The following FAM193A variants were observed in gnomAD, a reference collection of about 807,000 sequenced individuals.
FAM193A encodes protein FAM193A.
Under a neutral mutation model 126.5 loss-of-function variants are expected in FAM193A, and 22 were observed. The observed-to-expected ratio is 0.17, with a 90% confidence interval of 0.12 to 0.25. FAM193A has a LOEUF of 0.25. FAM193A is among the 10% of genes least tolerant of loss of function. The pLI is 1.00. For missense variants in FAM193A, 1,675 were observed against 1,672.8 expected (o/e 1.00, Z -0.02); for synonymous variants, 761 against 646.8 (o/e 1.18, Z -2.68).
intron 20 of FAM193A, among the ~76,000 whole-genome samples, chr4:2,725,156 G>A (rs1720581576): frequency 6.6e-6 from 1 of 152,052 alleles, no homozygotes; most frequent in African/African-American, 2.4e-5. Flanking sequence ...TGGGATTACA[G>A]GCGTGAGCCA....
chr4:2,680,617 A>G lies in FAM193A; in HGVS notation c.2331+8245A>G, dbSNP rs1046116867. Among the ~76,000 whole-genome samples, 3 of 150,878 alleles carry G rather than the reference A, an allele frequency of 2.0e-5. No individual in the cohort carries two copies. The South Asian group carries it at 6.3e-4, about 32-fold the overall frequency. On this transcript the variant is annotated intron_variant, in intron 13 of 20. Coordinates refer to ENST00000637812, the MANE Select transcript of FAM193A (RefSeq NM_001366318.2). ...CTCCCAAAGTGCTGGGATTATAGGCATGAGTTACCAAGCCCAGCCAATACT... is the reference window on the plus strand; with the variant it reads ...CTCCCAAAGTGCTGGGATTATAGGCGTGAGTTACCAAGCCCAGCCAATACT...
intron 1 of FAM193A, among the ~76,000 whole-genome samples, chr4:2,546,253 A>G (rs1239907103): frequency 6.6e-6 from 1 of 152,052 alleles, no homozygotes; most frequent in African/African-American, 2.4e-5. Context: ...TGGCCTCCCA[A>G]AGTTTTGGGA....
intron 19 of FAM193A, among the ~76,000 whole-genome samples, chr4:2,714,941 G>C (rs1339182506): frequency 6.6e-6 from 1 of 152,010 alleles, no homozygotes; most frequent in African/African-American, 2.4e-5. Flanking sequence ...GTGTGCTGCT[G>C]GACCCTCTTT....
intron 1 of FAM193A, among the ~76,000 whole-genome samples, chr4:2,568,514 T>C (rs1205252168): frequency 6.6e-6 from 1 of 152,178 alleles, no homozygotes; most frequent in Non-Finnish European, 1.5e-5. Context: ...CAAGACCCTG[T>C]CTGTAAAAAT....
intron 13 of FAM193A, among the ~76,000 whole-genome samples, chr4:2,682,727 G>A (rs1026603757): frequency 5.9e-5 from 9 of 152,058 alleles, no homozygotes; most frequent in Admixed American, 5.2e-4. Flanking sequence ...GAACTAATCT[G>A]AGTCCTTTTT....
chr4:2,702,063 C>A (rs1365072993), intron 19 of FAM193A, among the ~76,000 whole-genome samples: 1 of 152,142 alleles, frequency 6.6e-6, no homozygotes, highest in Non-Finnish European at 1.5e-5. Context: ...TGAGCTGCCA[C>A]CCCTGGCCCA....
At chr4:2,610,061 A>G (rs1037103851) in intron 2 of FAM193A, among the ~76,000 whole-genome samples, 2 of 151,322 alleles carry the variant, frequency 1.3e-5, no homozygotes, top group Non-Finnish European at 2.9e-5. Context: ...ATGAAACCCC[A>G]TCTCTACTAA....
chr4:2,662,107 TG>T (rs1442008869), intron 10 of FAM193A, among the ~76,000 whole-genome samples: 1 of 151,902 alleles, frequency 6.6e-6, no homozygotes, highest in South Asian at 2.1e-4. Flanking sequence ...GGCGTGAACC[TG>T]GGGGGTGGAG....
In FAM193A at chr4:2,657,829, G is replaced by T; in HGVS notation, c.1338G>T (p.Met446Ile). 6.2e-7 allele frequency: 1 copy of T among 1,612,672 alleles called. No individual in the cohort carries two copies. Among genetic ancestry groups the T allele is most frequent in the South Asian group, 1.1e-5 (1 of 90,698 alleles). Reference protein sequence around the residue: ...EQMTMKTKQRMLTEDWELFKQ... With the variant: ...EQMTMKTKQRILTEDWELFKQ... ...TGACAATGAAAACCAAGCAGCGCAT[G>T]TTAACAGAAGACTGGGAGCTTTTTA... The change falls in exon 8 of 21, where the codon ATG (methionine) becomes ATT (isoleucine). Residue 446 changes from methionine to isoleucine, a missense_variant. Physicochemically the swap from Met to Ile is conservative, Grantham distance 10. Coordinates refer to ENST00000637812, the MANE Select transcript of FAM193A (RefSeq NM_001366318.2).
rs1714830986 is a variant in FAM193A, at chr4:2,679,392, T to A, written c.2331+7020T>A. Among the ~76,000 whole-genome samples, 4 of 140,944 alleles carry A rather than the reference T, an allele frequency of 2.8e-5. 1 individual carries two copies. The South Asian group carries it at 8.9e-4, about 31-fold the overall frequency. 92.5% of individuals were successfully genotyped at this position (140,944 alleles called of 152,430 possible). On this transcript the variant is annotated intron_variant, in intron 13 of 20. Transcript: ENST00000637812. ...TTTTCTTTCTTTTTTTTTTTTTTTT[T>A]TTTTTTTGAGACAGAGTTTTGCTCA...
chr4:2,552,803 C>T (rs181292982), intron 1 of FAM193A, among the ~76,000 whole-genome samples: 2 of 150,150 alleles, frequency 1.3e-5, no homozygotes, highest in East Asian at 3.9e-4. Context: ...TCCCAGAGTG[C>T]TGGGATTACA....
intron 19 of FAM193A, among the ~76,000 whole-genome samples, chr4:2,715,669 G>A (rs549674799): frequency 2.0e-5 from 3 of 152,290 alleles, no homozygotes; most frequent in East Asian, 3.9e-4. Context: ...CAGTCCCTGG[G>A]CTTGCGTGCG....
intron 10 of FAM193A, among the ~76,000 whole-genome samples, chr4:2,661,634 G>T (rs1416919327): frequency 6.6e-6 from 1 of 152,096 alleles, no homozygotes; most frequent in East Asian, 1.9e-4. Context: ...CACGTTACTT[G>T]TAATGTGTTG....
intron 14 of FAM193A, among the ~76,000 whole-genome samples, chr4:2,690,174 C>A (rs920210865): frequency 3.9e-5 from 6 of 152,226 alleles, no homozygotes; most frequent in African/African-American, 1.4e-4. Flanking sequence ...GCTCCTTACT[C>A]CCCAGCTGCC....
chr4:2,664,558 CTTTTTTTTTTTTT>C lies in FAM193A; in HGVS notation c.2079+1284_2079+1296del, dbSNP rs33958851. ...ACCTTTCTCTCTCTCTATTTTCTTT[CTTTTTTTTTTTTT>C]TTTTTTTTTTTTTGAGATGGAGTCT... On this transcript the variant is annotated intron_variant, in intron 12 of 20. Coordinates refer to ENST00000637812, the MANE Select transcript of FAM193A (RefSeq NM_001366318.2). Among the ~76,000 whole-genome samples the C allele has an allele frequency of 1.9e-4, 14 of 73,094 alleles. 1 individual carries two copies. The highest frequency in any genetic ancestry group is 4.1e-4 in the East Asian group (1 of 2,430). 48.0% of individuals were successfully genotyped at this position (73,094 alleles called of 152,430 possible).
rs755508301 is a variant in FAM193A at position 2,700,237 on chromosome 4, A to G, written c.4065A>G (p.Thr1355=). The part of the protein sequence containing the change: ...KASSEPARRP[T]EPPKATEGQS... Reference sequence around the variant, plus strand: ...GCAGCGAGCCAGCGAGGAGGCCCACAGAGCCCCCCAAGGCCACAGAGGGGC... The same window carrying G: ...GCAGCGAGCCAGCGAGGAGGCCCACGGAGCCCCCCAAGGCCACAGAGGGGC... Residue 1355 remains threonine (T), a synonymous_variant, in exon 19 of 21, where the codon ACA becomes ACG. Transcript: ENST00000637812. 13 of 1,613,910 alleles carry G rather than the reference A, an allele frequency of 8.1e-6. No homozygotes were observed. In the East Asian group the frequency reaches 2.7e-4, roughly 33 times the overall value.
Position 2,570,890 on chromosome 4 carries a change from G to A in FAM193A, c.256-25194G>A, listed in dbSNP as rs117165195. ...TCATGTATCCTGGGTAGTAAGTCAA[G>A]CACTTTGAGTACCGAACACACAGGG... On this transcript the variant is annotated intron_variant, in intron 1 of 20. Transcript: ENST00000637812. Among the ~76,000 whole-genome samples the A allele has an allele frequency of 4.8e-3, 727 of 152,268 alleles. 13 individuals are homozygous for A. Among genetic ancestry groups the A allele is most frequent in the East Asian group, 0.035 (183 of 5,178 alleles).
chr4:2,617,258 A>AT (rs1560484820), intron 2 of FAM193A, among the ~76,000 whole-genome samples: 5 of 37,276 alleles, frequency 1.3e-4, no homozygotes, highest in African/African-American at 2.8e-4. Flanking sequence ...ATATATATAT[A>AT]TATATTTTTT....
chr4:2,606,026 T>C (rs1457253819), intron 2 of FAM193A, among the ~76,000 whole-genome samples: 2 of 147,474 alleles, frequency 1.4e-5, no homozygotes, highest in African/African-American at 5.0e-5. Flanking sequence ...TGGCCGTGTT[T>C]TGTATATTTT....
Sources: allele counts gnomAD v4.1 joint callset (sites outside exome capture counted in the v4.1 genomes callset), GRCh38; gene constraint gnomAD v4.1.1; transcripts MANE v1.5; gene names NCBI Gene and HGNC (gene_info 2026-07-23, HGNC 2026-07-21).